The following ASAH1 variants were observed in gnomAD, a reference collection of about 807,000 sequenced individuals.
ASAH1 encodes N-acylsphingosine amidohydrolase 1.
In ASAH1, 70 loss-of-function variants were observed where a neutral mutation model predicts 59.5. The observed-to-expected ratio is 1.18, with a 90% CI of 0.97 to 1.43. The LOEUF (loss-of-function observed/expected upper bound fraction) is 1.43. ASAH1 is among the 40% of genes most tolerant of loss of function. The probability of loss-of-function intolerance (pLI) is 0.00; values close to 1 mark genes in which losing one functional copy is unlikely to be tolerated. For synonymous variants in ASAH1, 213 were observed against 166.5 expected (o/e 1.28, Z -2.15); for missense variants, 660 against 482.5 (o/e 1.37, Z -3.45).
At chr8:18,068,435 T>C (rs1405074694) in intron 4 of ASAH1, 1 of 152,246 alleles carries the variant, frequency 6.6e-6, no homozygotes, top group East Asian at 1.9e-4. Flanking sequence ...CCGGTAAGTA[T>C]GAACATAAAG....
At chr8:18,071,028 C>A (rs2117060904) in intron 3 of ASAH1, among the ~76,000 whole-genome samples, 1 of 151,932 alleles carries the variant, frequency 6.6e-6, no homozygotes, top group South Asian at 2.1e-4. Context: ...GACAACATGG[C>A]AAAATCTTGT....
At position 18,056,036 on chromosome 8, in the gene ASAH1, C is replaced by T. The variant is rs1799459798; in HGVS notation, c.*1498G>A. ...CTATCAGGCATATCAAAGGTTATTA[C>T]ATTAACAAAAAAATACATCAAGTTG... On this transcript the variant is annotated 3_prime_UTR_variant, in exon 14 of 14. Transcript: ENST00000637790. 1 of 152,092 alleles carries T rather than the reference C, an allele frequency of 6.6e-6. No homozygotes were observed. The highest frequency in any genetic ancestry group is 6.6e-5 in the Admixed American group (1 of 15,260). The allele number at this position is 152,092 out of a possible 1,614,324, so 9.4% of individuals were successfully genotyped here.
At chr8:18,082,193 C>G (rs767772011) in intron 1 of ASAH1, among the ~76,000 whole-genome samples, 7 of 152,210 alleles carry the variant, frequency 4.6e-5, no homozygotes, top group Non-Finnish European at 5.9e-5. Context: ...TTGATAATCG[C>G]TGTTCTAGAT....
At chr8:18,080,144 G>T (rs779511785) in intron 1 of ASAH1, among the ~76,000 whole-genome samples, 1 of 152,204 alleles carries the variant, frequency 6.6e-6, no homozygotes, top group Non-Finnish European at 1.5e-5. Flanking sequence ...GCCAGATGGG[G>T]TCTATGAGAT....
rs941670381 is a variant in ASAH1 at position 18,059,388 on chromosome 8, C to T, written c.994G>A (p.Asp332Asn). ...CACATCTTTGCAGGCGTTCTGCGATCATCAAGGAAGAAGGGATGTTTCCAA... is the reference window on the plus strand; with the variant it reads ...CACATCTTTGCAGGCGTTCTGCGATTATCAAGGAAGAAGGGATGTTTCCAA... ...DRWKHPFFLD[D>N]RRTPAKMCLN... The change falls in exon 12 of 14, where the codon GAT becomes AAT. Residue 332 changes from aspartate to asparagine, a missense_variant. Coordinates refer to ENST00000637790, the MANE Select transcript of ASAH1 (RefSeq NM_177924.5). 8.7e-6 allele frequency: 14 copies of T among 1,614,186 alleles called. No individual in the cohort carries two copies. Among genetic ancestry groups the T allele is most frequent in the Non-Finnish European group, 1.2e-5 (14 of 1,180,018 alleles).
At position 18,062,397 on chromosome 8, in the gene ASAH1, A is replaced by AC; in HGVS notation, c.529dup (p.Val177GlyfsTer4). On this transcript the variant is annotated frameshift_variant, in exon 8 of 14. Transcript: ENST00000637790. LOFTEE classifies it high-confidence loss of function. ...TAAAGGTTTTAGTTGCTCAGTTATG[A>AC]CCCAGGTATCATTATTTATGTTCCA... 1 of 1,614,154 alleles carries AC rather than the reference A, an allele frequency of 6.2e-7. No homozygotes were observed. The highest frequency in any genetic ancestry group is 8.5e-7 in the Non-Finnish European group (1 of 1,180,016).
At chr8:18,070,005 G>GCAT in intron 3 of ASAH1, 127 bp from the exon 4 acceptor site, 1 of 621,750 alleles carries the variant, frequency 1.6e-6, no homozygotes, top group East Asian at 3.1e-5. Context: ...TTTTAAAACA[G>GCAT]CATCTCGCTC....
At chr8:18,074,440 A>G (rs1021334247) in intron 2 of ASAH1, among the ~76,000 whole-genome samples, 1 of 152,238 alleles carries the variant, frequency 6.6e-6, no homozygotes, top group Non-Finnish European at 1.5e-5. Context: ...GCTATTTAAA[A>G]TACATCGTTT....
At chr8:18,065,927 G>A (rs1299926917) in intron 5 of ASAH1, 1 of 136,218 alleles carries the variant, frequency 7.3e-6, no homozygotes, top group East Asian at 2.1e-4. Flanking sequence ...TATATGTATT[G>A]TATATTTATA....
At chr8:18,083,777 G>C in intron 1 of ASAH1, 2 of 1,013,128 alleles carry the variant, frequency 2.0e-6, no homozygotes, top group East Asian at 2.6e-5. Flanking sequence ...AGGAGTTCTA[G>C]TTGCAGGTAG....
chr8:18,084,434 G>A (rs139267685), upstream of ASAH1: 375 of 1,360,506 alleles, frequency 2.8e-4, 1 homozygote, highest in African/African-American at 4.8e-3. Flanking sequence ...GGCGCCTCTA[G>A]CAGGCGGGTG....
chr8:18,062,019 G>C lies in ASAH1; in HGVS notation c.648+260C>G, dbSNP rs932375012. On this transcript the variant is annotated intron_variant, in intron 8 of 13. Transcript: ENST00000637790. Reference sequence around the variant, plus strand: ...TTGCCTAAGTGAGCGGAAGACCCAGGACTAGAAATCAGATTGTGACTCCCA... The same window carrying C: ...TTGCCTAAGTGAGCGGAAGACCCAGCACTAGAAATCAGATTGTGACTCCCA... 2.7e-5 allele frequency: 17 copies of C among 618,748 alleles called. No homozygotes were observed. The African/African-American group carries it at 2.8e-4, about 10-fold the overall frequency. The allele number at this position is 618,748 out of a possible 1,614,324, so 38.3% of individuals were successfully genotyped here. A position where few individuals can be genotyped will look rare whatever the true frequency, so the allele number is the denominator to read the frequency against.
intron 1 of ASAH1, among the ~76,000 whole-genome samples, chr8:18,082,065 C>T (rs780491232): frequency 6.6e-6 from 1 of 152,220 alleles, no homozygotes; most frequent in African/African-American, 2.4e-5. Flanking sequence ...TCCATACAAT[C>T]AGAGTAAAGA....
chr8:18,083,941 C>A, intron 1 of ASAH1, 40 bp downstream of exon 1: 1 of 1,584,156 alleles, frequency 6.3e-7, no homozygotes, highest in Non-Finnish European at 8.5e-7. Flanking sequence ...GCGCCCGCAC[C>A]TGCACGCCCC....
At chr8:18,059,855 T>C in intron 10 of ASAH1, 152 bp from the exon 11 acceptor site, 4 of 711,804 alleles carry the variant, frequency 5.6e-6, no homozygotes, top group Non-Finnish European at 4.5e-6. Context: ...GGTGGTTTGC[T>C]GCACCCATCA....
rs548760913 is a variant in ASAH1, at chr8:18,057,585, A to T, written c.1137T>A (p.Gly379=). The change falls in exon 14 of 14, where the codon GGT becomes GGA. Residue 379 remains glycine, a synonymous_variant. Transcript: ENST00000637790. ...AGTCCCGCAGGTAAGTTTCGAATTGACCTTTGGTAACATCTATCAAGGTTG... is the reference window on the plus strand; with the variant it reads ...AGTCCCGCAGGTAAGTTTCGAATTGTCCTTTGGTAACATCTATCAAGGTTG... ...VYTTLIDVTK[G]QFETYLRDCP... 1.9e-5 allele frequency: 31 copies of T among 1,604,876 alleles called. No homozygotes were observed. In the African/African-American group the frequency reaches 3.7e-4, roughly 19 times the overall value.
chr8:18,073,990 A>T (rs933338351), intron 2 of ASAH1, among the ~76,000 whole-genome samples: 5 of 152,242 alleles, frequency 3.3e-5, no homozygotes, highest in African/African-American at 1.2e-4. Flanking sequence ...GTATGTATGC[A>T]CATAGGTAGA....
At position 18,059,578 on chromosome 8, in the gene ASAH1, A is replaced by G; in HGVS notation, c.911T>C (p.Val304Ala). ...CTTTAACAAACCTACTTACTCATAT[A>G]CATCCAATGATTCCTTTCTGTCTCG... ...ITRDRKESLDVYELDAKQGRW... is the reference protein window; with the variant it reads ...ITRDRKESLDAYELDAKQGRW... The change falls in exon 11 of 14, where the codon GTA (valine) becomes GCA (alanine). Residue 304 changes from valine (V) to alanine (A), a missense_variant. By Grantham distance (64) the Val-to-Ala change is moderately conservative (BLOSUM62 0). Coordinates refer to ENST00000637790, the MANE Select transcript of ASAH1 (RefSeq NM_177924.5). 2 of 1,614,210 alleles carry G rather than the reference A, an allele frequency of 1.2e-6. No homozygotes were observed. Among genetic ancestry groups the G allele is most frequent in the Non-Finnish European group, 1.7e-6 (2 of 1,180,032 alleles).
chr8:18,075,709 T>G, intron 1 of ASAH1, 122 bp from the exon 2 acceptor site: 1 of 823,534 alleles, frequency 1.2e-6, no homozygotes, highest in South Asian at 1.5e-5. Context: ...TTTATACGTT[T>G]CAATGCCTCT....
Sources: gnomAD v4.1 joint callset for allele counts (sites outside exome capture counted in the v4.1 genomes callset) on GRCh38, gnomAD v4.1.1 for gene constraint, MANE v1.5 for transcripts, NCBI Gene and HGNC (gene_info 2026-07-23, HGNC 2026-07-21) for gene names.